The following CREB5 variants were observed in gnomAD, a reference collection of about 807,000 sequenced individuals.
CREB5 encodes cyclic AMP-responsive element-binding protein 5.
A neutral mutation model predicts 57.1 loss-of-function variants in CREB5; 19 were observed. The ratio of observed to expected loss-of-function variants is 0.33; its 90% CI spans 0.23 to 0.49. The LOEUF (loss-of-function observed/expected upper bound fraction) is 0.49, where lower values mean the gene tolerates loss of function less well. Ranked by LOEUF, CREB5 falls within the 20% of genes least tolerant of loss-of-function variation. The probability of loss-of-function intolerance (pLI) is 0.99; values close to 1 mark genes in which losing one functional copy is unlikely to be tolerated. For synonymous variants in CREB5, 238 were observed against 238.3 expected (o/e 1.00, Z 0.01); for missense variants, 579 against 671.6 (o/e 0.86, Z 1.52).
rs1409857215 is a variant in CREB5 at position 28,821,981 on chromosome 7, T to C, written c.*2702T>C. 1 of 152,682 alleles carries C rather than the reference T, an allele frequency of 6.5e-6. No individual in the cohort carries two copies. The highest frequency in any genetic ancestry group is 1.5e-5 in the Non-Finnish European group (1 of 68,036). 9.5% of individuals were successfully genotyped at this position (152,682 alleles called of 1,614,324 possible). On this transcript the variant is annotated 3_prime_UTR_variant, in exon 11 of 11. Transcript: ENST00000357727. ...AGTTTACTTCTGTTCCACCTTTTGA[T>C]TGAAATATTTAGTTGTTAGGCTGAA...
intron 1 of CREB5, among the ~76,000 whole-genome samples, chr7:28,441,959 T>A (rs1197785843): frequency 6.6e-6 from 1 of 152,204 alleles, no homozygotes; most frequent in Non-Finnish European, 1.5e-5. Flanking sequence ...AGTATTCGAA[T>A]GCCCTCTTCT....
chr7:28,625,630 G>A (rs528317120), intron 5 of CREB5, among the ~76,000 whole-genome samples: 269 of 152,262 alleles, frequency 1.8e-3, no homozygotes, highest in Non-Finnish European at 2.6e-3. Context: ...AGGCAACTGC[G>A]TTGCCTTGCT....
intron 1 of CREB5, among the ~76,000 whole-genome samples, chr7:28,429,092 C>T (rs1344436189): frequency 6.6e-6 from 1 of 152,152 alleles, no homozygotes; most frequent in Admixed American, 6.5e-5. Context: ...ATGGCACAAC[C>T]TTGGCTCATT....
At chr7:28,594,898 A>C (rs1021824208) in intron 5 of CREB5, among the ~76,000 whole-genome samples, 2 of 152,124 alleles carry the variant, frequency 1.3e-5, no homozygotes, top group Non-Finnish European at 2.9e-5. Context: ...CACTTCCACT[A>C]TACAAGGTCA....
chr7:28,772,705 C>T (rs1806393643), intron 7 of CREB5, among the ~76,000 whole-genome samples: 1 of 152,216 alleles, frequency 6.6e-6, no homozygotes, highest in Admixed American at 6.5e-5. Flanking sequence ...TTATAGAACA[C>T]TAGCACTCAT....
rs754643724 is a variant in CREB5 at position 28,490,891 on chromosome 7, AC to A, written c.75+2648del. ...CAAACTATTTTATGTATTGCTGTAA[AC>A]CCTTCTTCTTTTTGGCAACAGGCAG... On this transcript the variant is annotated intron_variant, in intron 2 of 10. Transcript: ENST00000357727. 2.9e-4 allele frequency among the ~76,000 whole-genome samples: 40 copies of A among 138,366 alleles called. 1 individual carries two copies. The highest frequency in any genetic ancestry group is 1.8e-4 in the Non-Finnish European group (11 of 59,898). 90.8% of individuals were successfully genotyped at this position (138,366 alleles called of 152,430 possible).
intron 1 of CREB5, among the ~76,000 whole-genome samples, chr7:28,308,611 C>T (rs1295597713): frequency 1.3e-5 from 2 of 152,158 alleles, no homozygotes. Flanking sequence ...GGCTTGCTCC[C>T]TTGCTCCCTT....
intron 1 of CREB5, among the ~76,000 whole-genome samples, chr7:28,453,119 T>C (rs745491220): frequency 6.6e-6 from 1 of 152,192 alleles, no homozygotes; most frequent in Non-Finnish European, 1.5e-5. Context: ...TCTGAAAATT[T>C]CTGTATATCT....
intron 5 of CREB5, among the ~76,000 whole-genome samples, chr7:28,619,584 C>T (rs1413838480): frequency 6.6e-6 from 1 of 152,162 alleles, no homozygotes; most frequent in African/African-American, 2.4e-5. Flanking sequence ...TGCCTGTATT[C>T]CCAGCTACTT....
chr7:28,386,531 G>A (rs1255826319), intron 1 of CREB5, among the ~76,000 whole-genome samples: 1 of 152,038 alleles, frequency 6.6e-6, no homozygotes, highest in African/African-American at 2.4e-5. Flanking sequence ...ATACTCCTCA[G>A]GACTTGTGCT....
chr7:28,630,964 C>G (rs1039885140), intron 5 of CREB5, among the ~76,000 whole-genome samples: 1 of 152,138 alleles, frequency 6.6e-6, no homozygotes, highest in Non-Finnish European at 1.5e-5. Context: ...GGAAACCAGG[C>G]AGAAACATTA....
At chr7:28,462,922 A>G (rs1790409287) in intron 1 of CREB5, among the ~76,000 whole-genome samples, 1 of 152,076 alleles carries the variant, frequency 6.6e-6, no homozygotes, top group South Asian at 2.1e-4. Context: ...ATTAATTTTG[A>G]TGAAGTCCAA....
intron 5 of CREB5, among the ~76,000 whole-genome samples, chr7:28,600,044 G>A (rs1350927430): frequency 6.6e-6 from 1 of 152,080 alleles, no homozygotes; most frequent in East Asian, 1.9e-4. Flanking sequence ...TGTGGTGAGG[G>A]TGGACAGCAG....
At chr7:28,496,130 T>C (rs1792033444) in intron 3 of CREB5, among the ~76,000 whole-genome samples, 1 of 152,210 alleles carries the variant, frequency 6.6e-6, no homozygotes, top group African/African-American at 2.4e-5. Context: ...CACAGGCTTA[T>C]GATGGAGATT....
intron 1 of CREB5, among the ~76,000 whole-genome samples, chr7:28,358,035 A>G (rs1473853823): frequency 4.6e-5 from 7 of 152,166 alleles, no homozygotes; most frequent in African/African-American, 1.7e-4. Context: ...TCTACAGTGA[A>G]GGAGCTGGTA....
At chr7:28,655,326 G>T (rs997250080) in intron 5 of CREB5, among the ~76,000 whole-genome samples, 1 of 152,180 alleles carries the variant, frequency 6.6e-6, no homozygotes, top group African/African-American at 2.4e-5. Flanking sequence ...ACAAAATAAG[G>T]CTGGGCATGG....
chr7:28,654,020 C>T (rs1369132610), intron 5 of CREB5, among the ~76,000 whole-genome samples: 2 of 152,012 alleles, frequency 1.3e-5, no homozygotes, highest in Non-Finnish European at 2.9e-5. Flanking sequence ...GATTTTCCCC[C>T]ATTTACTTGC....
At position 28,732,720 on chromosome 7, in the gene CREB5, C is replaced by CTTTTTT. The variant is rs35952532; in HGVS notation, c.702+8399_702+8404dup. On this transcript the variant is annotated intron_variant, in intron 7 of 10. Coordinates refer to ENST00000357727, the MANE Select transcript of CREB5 (RefSeq NM_182898.4). ...ACTTTGGGATGATGACTCTGTCTTGCTTTTTTTTTTTTTTTTGTGGGAAGC... is the reference window on the plus strand; with the variant it reads ...ACTTTGGGATGATGACTCTGTCTTGCTTTTTTTTTTTTTTTTTTTTTTGTGGGAAGC... 2.3e-4 allele frequency among the ~76,000 whole-genome samples: 30 copies of CTTTTTT among 131,890 alleles called. 2 individuals carry two copies. The highest frequency in any genetic ancestry group is 1.5e-3 in the Admixed American group (19 of 13,014). 86.5% of individuals were successfully genotyped at this position (131,890 alleles called of 152,430 possible).
At chr7:28,751,016 C>T (rs1402515044) in intron 7 of CREB5, among the ~76,000 whole-genome samples, 1 of 152,096 alleles carries the variant, frequency 6.6e-6, no homozygotes, top group East Asian at 1.9e-4. Context: ...TTGATAATCT[C>T]ATCAAGAATT....
Sources: allele counts gnomAD v4.1 joint callset (sites outside exome capture counted in the v4.1 genomes callset), GRCh38; gene constraint gnomAD v4.1.1; transcripts MANE v1.5; gene names NCBI Gene and HGNC (gene_info 2026-07-23, HGNC 2026-07-21).